The following ANXA10 variants were observed in gnomAD, a reference collection of about 807,000 sequenced individuals.
ANXA10 encodes annexin A10, also known as annexin 14.
ANXA10 carries 49 observed loss-of-function variants against 53.5 expected under a neutral mutation model. The observed-to-expected ratio is 0.92, with a 90% CI of 0.73 to 1.16. The LOEUF (loss-of-function observed/expected upper bound fraction) is 1.16. ANXA10 is among the 50% of genes most tolerant of loss of function. ANXA10 has a pLI of 0.00. For synonymous variants in ANXA10, 131 were observed against 128.9 expected (o/e 1.02, Z -0.11); for missense variants, 393 against 394.4 (o/e 1.00, Z 0.03).
chr4:168,096,466 T>C (rs1730541830), intron 1 of ANXA10, among the ~76,000 whole-genome samples: 1 of 152,098 alleles, frequency 6.6e-6, no homozygotes, highest in African/African-American at 2.4e-5. Context: ...TAAATTTAAC[T>C]TTTTCCTTGA....
chr4:168,139,388 G>C, intron 2 of ANXA10, 98 bp from the exon 3 acceptor site: 1 of 869,322 alleles, frequency 1.2e-6, no homozygotes, highest in Non-Finnish European at 1.8e-6. Context: ...ATACCATCAG[G>C]GATAATGCGT....
chr4:168,160,222 C>A (rs936560281), intron 3 of ANXA10, among the ~76,000 whole-genome samples: 2 of 151,970 alleles, frequency 1.3e-5, no homozygotes, highest in African/African-American at 4.8e-5. Context: ...TGCTTGCCCC[C>A]GCCCCCAACA....
At chr4:168,179,723 A>G (rs920113212) in intron 9 of ANXA10, among the ~76,000 whole-genome samples, 10 of 152,212 alleles carry the variant, frequency 6.6e-5, no homozygotes, top group African/African-American at 2.2e-4. Context: ...TTTAGTGACC[A>G]TTACTAATAA....
At chr4:168,127,460 A>G (rs1579212194) in intron 1 of ANXA10, among the ~76,000 whole-genome samples, 2 of 152,284 alleles carry the variant, frequency 1.3e-5, no homozygotes, top group South Asian at 4.1e-4. Context: ...AGTAGCAGGT[A>G]CCATTTCTAA....
chr4:168,133,968 A>T (rs1201631298), intron 2 of ANXA10, among the ~76,000 whole-genome samples: 1 of 152,104 alleles, frequency 6.6e-6, no homozygotes, highest in Admixed American at 6.6e-5. Flanking sequence ...CAAAGAAGAA[A>T]TCAAAGTTGT....
intron 1 of ANXA10, among the ~76,000 whole-genome samples, chr4:168,101,481 TTTTC>T (rs940924777): frequency 2.1e-5 from 3 of 140,994 alleles, no homozygotes; most frequent in Admixed American, 7.0e-5. Flanking sequence ...TTCTTTTCTC[TTTTC>T]TTTGTGTTTT....
intron 10 of ANXA10, 80 bp downstream of exon 10, chr4:168,181,821 T>A: frequency 9.4e-7 from 1 of 1,063,414 alleles, no homozygotes; most frequent in Non-Finnish European, 1.4e-6. Flanking sequence ...TTCCATCATT[T>A]AAATGTTCAT....
chr4:168,174,072 C>CT (rs1289914588), intron 6 of ANXA10, among the ~76,000 whole-genome samples: 1 of 151,894 alleles, frequency 6.6e-6, no homozygotes, highest in Non-Finnish European at 1.5e-5. Flanking sequence ...TCTTCACTCA[C>CT]TAAAACCCTT....
intron 1 of ANXA10, among the ~76,000 whole-genome samples, chr4:168,103,914 C>T (rs142651817): frequency 0.025 from 3,783 of 151,708 alleles, 68 homozygotes; most frequent in Middle Eastern, 0.044. Context: ...TAAGATTTTT[C>T]GGTATGGTAT....
intron 1 of ANXA10, among the ~76,000 whole-genome samples, chr4:168,123,239 G>A (rs1006366901): frequency 6.6e-6 from 1 of 151,878 alleles, no homozygotes; most frequent in Non-Finnish European, 1.5e-5. Context: ...ATAGCTGTGC[G>A]TTGTTGAAGA....
At chr4:168,156,126 A>G (rs1217968838) in intron 3 of ANXA10, among the ~76,000 whole-genome samples, 5 of 30,798 alleles carry the variant, frequency 1.6e-4, no homozygotes, top group Admixed American at 6.6e-4. Context: ...ATTTATATTT[A>G]TATATATTAT....
intron 6 of ANXA10, among the ~76,000 whole-genome samples, chr4:168,172,961 T>C (rs1206252875): frequency 6.6e-6 from 1 of 152,096 alleles, no homozygotes; most frequent in Non-Finnish European, 1.5e-5. Flanking sequence ...GGCTAATTTT[T>C]GTATTTTTAG....
At chr4:168,127,680 A>C (rs1241297414) in intron 1 of ANXA10, 1 of 407,254 alleles carries the variant, frequency 2.5e-6, no homozygotes, top group Non-Finnish European at 4.8e-6. Flanking sequence ...GATAAAATGA[A>C]CTCAACCAAA....
intron 6 of ANXA10, among the ~76,000 whole-genome samples, chr4:168,175,483 T>C (rs1259917296): frequency 6.6e-6 from 1 of 152,226 alleles, no homozygotes; most frequent in Admixed American, 6.5e-5. Context: ...TGATATTTCA[T>C]ACACATTCTT....
At chr4:168,100,654 G>C (rs1730624912) in intron 1 of ANXA10, among the ~76,000 whole-genome samples, 1 of 151,882 alleles carries the variant, frequency 6.6e-6, no homozygotes, top group Non-Finnish European at 1.5e-5. Flanking sequence ...AAATTATTTT[G>C]TCAAACTATA....
At chr4:168,140,115 A>G (rs952718458) in intron 3 of ANXA10, among the ~76,000 whole-genome samples, 2 of 152,226 alleles carry the variant, frequency 1.3e-5, no homozygotes, top group Non-Finnish European at 2.9e-5. Flanking sequence ...AAGGCAATAA[A>G]ACTATCCATA....
Position 168,185,721 on chromosome 4 carries a change from C to G in ANXA10, c.906+1040C>G, listed in dbSNP as rs143114332. On this transcript the variant is annotated intron_variant, in intron 11 of 11. Transcript: ENST00000359299. ...GCAGAGCATTAAACCAAGCCAAGCA[C>G]AGGGACATAAGAATAGAACTGAACT... 4.6e-3 allele frequency among the ~76,000 whole-genome samples: 696 copies of G among 152,292 alleles called. 3 individuals are homozygous for G. The highest frequency in any genetic ancestry group is 0.015 in the African/African-American group (627 of 41,566).
At chr4:168,119,396 A>G (rs1730950683) in intron 1 of ANXA10, among the ~76,000 whole-genome samples, 1 of 152,218 alleles carries the variant, frequency 6.6e-6, no homozygotes, top group Admixed American at 6.5e-5. Flanking sequence ...GCTGATTTTC[A>G]TTTAGCACAC....
intron 1 of ANXA10, among the ~76,000 whole-genome samples, chr4:168,111,213 C>A (rs1035457982): frequency 1.3e-5 from 2 of 152,142 alleles, no homozygotes; most frequent in Non-Finnish European, 2.9e-5. Flanking sequence ...CATTAAATGT[C>A]AGCATAATCT....
Sources: gnomAD v4.1 joint callset for allele counts (sites outside exome capture counted in the v4.1 genomes callset) on GRCh38, gnomAD v4.1.1 for gene constraint, MANE v1.5 for transcripts, NCBI Gene and HGNC (gene_info 2026-07-23, HGNC 2026-07-21) for gene names.